Variants in DNAI2 observed in about 807,000 individuals in gnomAD.
DNAI2 encodes dynein, axonemal, intermediate polypeptide 2.
A neutral mutation model predicts 74.7 loss-of-function variants in DNAI2; 63 were observed. That is an observed-to-expected ratio of 0.84 (90% CI 0.69 to 1.04). DNAI2 has a LOEUF of 1.04. Ranked by LOEUF, DNAI2 falls within the 50% of genes least tolerant of loss-of-function variation. DNAI2 has a pLI of 0.00. For synonymous variants in DNAI2, 289 were observed against 314.9 expected, an observed-to-expected ratio of 0.92 and a Z score of 0.87; for missense variants, 688 against 803.2, an observed-to-expected ratio of 0.86 and a Z score of 1.73.
chr17:74,285,180 C>A lies in DNAI2; in HGVS notation c.324C>A (p.Asn108Lys). Residue 108 changes from asparagine to lysine, a missense_variant, in exon 3 of 14, where the codon AAC becomes AAA. Asn to Lys is a moderately conservative substitution (Grantham distance 94, BLOSUM62 0). Transcript: ENST00000311014. Reference sequence around the variant, plus strand: ...TGGAGAAAGATGAGAACTACGTTAACGCCATCATGCAGCTCGGCTCTGTAA... The same window carrying A: ...TGGAGAAAGATGAGAACTACGTTAAAGCCATCATGCAGCTCGGCTCTGTAA... ...KKVEKDENYV[N>K]AIMQLGSIME... 1 of 1,614,184 alleles carries A rather than the reference C, an allele frequency of 6.2e-7. No individual in the cohort carries two copies. The highest frequency in any genetic ancestry group is 8.5e-7 in the Non-Finnish European group (1 of 1,180,020).
At chr17:74,292,893 G>C (rs1278485485) in intron 6 of DNAI2, among the ~76,000 whole-genome samples, 3 of 151,134 alleles carry the variant, frequency 2.0e-5, no homozygotes, top group African/African-American at 7.3e-5. Context: ...GCAGTGGCGC[G>C]ATCTTGGCCC....
chr17:74,285,956 C>CAT (rs1430216324), intron 3 of DNAI2, among the ~76,000 whole-genome samples: 63 of 68,294 alleles, frequency 9.2e-4, no homozygotes, highest in African/African-American at 2.1e-3. Flanking sequence ...TACACACACA[C>CAT]ACATATATAT....
intron 8 of DNAI2, among the ~76,000 whole-genome samples, chr17:74,304,186 C>CTTTTTTTTTTTTTTTTTTTTTTTTTTTTT (rs56696514): frequency 4.9e-4 from 33 of 67,652 alleles, no homozygotes; most frequent in Non-Finnish European, 6.2e-4. Flanking sequence ...TTTCTTTTTT[C>CTTTTTTTTTTTTTTTTTTTTTTTTTTTTT]TTTTTTTTTT....
chr17:74,285,341 A>C, intron 3 of DNAI2, 140 bp downstream of exon 3: 1 of 1,105,374 alleles, frequency 9.0e-7, no homozygotes. Flanking sequence ...CTGCTACCTC[A>C]AGGAGCCTTC....
At chr17:74,289,508 G>A (rs2051950568) in intron 4 of DNAI2, 86 bp from the exon 5 acceptor site, 3 of 1,536,908 alleles carry the variant, frequency 2.0e-6, no homozygotes, top group South Asian at 2.3e-5. Flanking sequence ...GACAGAGCAA[G>A]ACTCCATCTG....
chr17:74,288,609 C>G (rs2143933422), intron 4 of DNAI2, among the ~76,000 whole-genome samples: 1 of 152,220 alleles, frequency 6.6e-6, no homozygotes, highest in African/African-American at 2.4e-5. Context: ...GCCCCAGGAA[C>G]AGAATACCCC....
chr17:74,292,847 TGGGAC>T (rs2052200366), intron 6 of DNAI2, among the ~76,000 whole-genome samples: 1 of 151,556 alleles, frequency 6.6e-6, no homozygotes, highest in Non-Finnish European at 1.5e-5. Context: ...TTTTTTTTTT[TGGGAC>T]GGAGTCTTGC....
At chr17:74,280,210 T>C (rs966851825) in intron 1 of DNAI2, among the ~76,000 whole-genome samples, 1 of 152,228 alleles carries the variant, frequency 6.6e-6, no homozygotes, top group Non-Finnish European at 1.5e-5. Flanking sequence ...ATTGCATTTT[T>C]ACAACTTCTA....
chr17:74,305,480 G>C, intron 9 of DNAI2, 38 bp downstream of exon 9: 1 of 1,596,936 alleles, frequency 6.3e-7, no homozygotes, highest in Non-Finnish European at 8.6e-7. Flanking sequence ...GGATGCAGGA[G>C]ACAGGAGGGG....
Position 74,305,534 on chromosome 17 carries a change from T to C in DNAI2, c.1211+92T>C, listed in dbSNP as rs58831344. ...GGCCCCGGAGAGTCCCGAGCCTCCA[T>C]ATGTAAAATGGAGAAAAACCTTTCC... On this transcript the variant is annotated intron_variant, in intron 9 of 13. Coordinates refer to ENST00000311014, the MANE Select transcript of DNAI2 (RefSeq NM_023036.6). 2.5e-3 allele frequency: 3,077 copies of C among 1,208,940 alleles called. 61 individuals are homozygous for C. In the African/African-American group the frequency reaches 0.041, roughly 16 times the overall value. 74.9% of individuals were successfully genotyped at this position (1,208,940 alleles called of 1,614,324 possible).
rs761547413 is a variant in DNAI2, at chr17:74,299,849, G to A, written c.856G>A (p.Asp286Asn). 1 of 1,613,510 alleles carries A rather than the reference G, an allele frequency of 6.2e-7. No homozygotes were observed. The highest frequency in any genetic ancestry group is 8.5e-7 in the Non-Finnish European group (1 of 1,180,026). Residue 286 changes from aspartate (D) to asparagine (N), a missense_variant, in exon 7 of 14, where the codon GAT becomes AAT. By Grantham distance (23) the Asp-to-Asn change is conservative (BLOSUM62 1). Transcript: ENST00000311014. Reference sequence around the variant, plus strand: ...CACCGAGTGCTTCTCAGCTTCCACGGATGGGCAGGTACCCACCAGCCAGAC... The same window carrying A: ...CACCGAGTGCTTCTCAGCTTCCACGAATGGGCAGGTACCCACCAGCCAGAC... ...TGTECFSASTDGQVMWWDIRK... is the reference protein window; with the variant it reads ...TGTECFSASTNGQVMWWDIRK...
chr17:74,307,403 A>C (rs111425457), intron 9 of DNAI2: 11,942 of 432,576 alleles, frequency 0.028, 1,077 homozygotes, highest in African/African-American at 0.21. Flanking sequence ...GCAGTGGGCT[A>C]ATGCCTGTAA....
Position 74,312,083 on chromosome 17 carries a change from G to A in DNAI2, c.1575G>A (p.Ala525=), listed in dbSNP as rs767324607. The change falls in exon 12 of 14, where the codon GCG becomes GCA. Residue 525 remains alanine, a synonymous_variant. Transcript: ENST00000311014. ...REMRLKEKGK[A]EGRDEEQTDE... ...TGCGGCTGAAGGAGAAGGGTAAGGC[G>A]GAGGGCAGGGATGAGGAGCAGACCG... 3.8e-5 allele frequency: 62 copies of A among 1,613,150 alleles called. No individual in the cohort carries two copies. The highest frequency in any genetic ancestry group is 1.0e-4 in the Admixed American group (6 of 60,000).
intron 6 of DNAI2, among the ~76,000 whole-genome samples, chr17:74,298,733 G>A (rs2052590293): frequency 6.6e-6 from 1 of 152,058 alleles, no homozygotes; most frequent in Non-Finnish European, 1.5e-5. Context: ...CTCCCGAGTA[G>A]CAGGCAGCCT....
At chr17:74,275,802 A>T (rs1054842180) in intron 1 of DNAI2, among the ~76,000 whole-genome samples, 1 of 152,138 alleles carries the variant, frequency 6.6e-6, no homozygotes, top group South Asian at 2.1e-4. Context: ...AGGCACAAGA[A>T]TCGCTTGAAC....
At chr17:74,306,980 C>A (rs1256433638) in intron 9 of DNAI2, among the ~76,000 whole-genome samples, 2 of 152,210 alleles carry the variant, frequency 1.3e-5, no homozygotes, top group South Asian at 2.1e-4. Flanking sequence ...AACATAGAAT[C>A]TTGGGCTTAG....
rs886038678 is a variant in DNAI2 at position 74,285,114 on chromosome 17, C to A, written c.258C>A (p.Asn86Lys). The A allele has an allele frequency of 1.9e-6, 3 of 1,614,190 alleles. No individual in the cohort carries two copies. Among genetic ancestry groups the A allele is most frequent in the Admixed American group, 1.7e-5 (1 of 60,020 alleles). The change falls in exon 3 of 14, where the codon AAC becomes AAA. Residue 86 changes from asparagine (N) to lysine (K), a missense_variant. Transcript: ENST00000311014. ...AGGGGGGCTGGCCCAAGGACGTGAA[C>A]CCCCTGGAGCTGGAGCAGACCATCC... is the stretch of plus-strand genomic sequence containing the variant. ...HVEGGWPKDV[N>K]PLELEQTIRF...
At chr17:74,281,693 C>G in intron 1 of DNAI2, 114 bp from the exon 2 acceptor site, 4 of 1,011,930 alleles carry the variant, frequency 4.0e-6, no homozygotes, top group Non-Finnish European at 6.0e-6. Context: ...CCCCACCACC[C>G]CTTGCTTCCT....
Position 74,309,669 on chromosome 17 carries a change from A to G in DNAI2, c.1347+281A>G, listed in dbSNP as rs1432643977. 1.3e-5 allele frequency: 9 copies of G among 668,294 alleles called. No individual in the cohort carries two copies. The East Asian group carries it at 2.6e-4, about 19-fold the overall frequency. The allele number at this position is 668,294 out of a possible 1,614,324, so 41.4% of individuals were successfully genotyped here. Reference sequence around the variant, plus strand: ...AGCAGGTACCCGGCATCTCCTACCCACAGGCCGATTCCTTCAGAGCCCCTG... The same window carrying G: ...AGCAGGTACCCGGCATCTCCTACCCGCAGGCCGATTCCTTCAGAGCCCCTG... On this transcript the variant is annotated intron_variant, in intron 10 of 13. Transcript: ENST00000311014.
Sources: allele counts gnomAD v4.1 joint callset (sites outside exome capture counted in the v4.1 genomes callset), GRCh38; gene constraint gnomAD v4.1.1; transcripts MANE v1.5; gene names NCBI Gene and HGNC (gene_info 2026-07-23, HGNC 2026-07-21).